The following PHTF2 variants were observed in gnomAD, a reference collection of about 807,000 sequenced individuals.
PHTF2 encodes the protein protein PHTF2.
Under a neutral mutation model 101.2 loss-of-function variants are expected in PHTF2, and 60 were observed. The observed-to-expected ratio is 0.59, with a 90% confidence interval of 0.48 to 0.73. The LOEUF (loss-of-function observed/expected upper bound fraction) is 0.73, where lower values mean the gene tolerates loss of function less well. Ranked by LOEUF, PHTF2 falls within the 30% of genes least tolerant of loss-of-function variation. The probability of loss-of-function intolerance (pLI) is 0.00; values close to 1 mark genes in which losing one functional copy is unlikely to be tolerated. For synonymous variants in PHTF2, 311 were observed against 307.3 expected, an observed-to-expected ratio of 1.01 and a Z score of -0.13; for missense variants, 747 against 908.7, an observed-to-expected ratio of 0.82 and a Z score of 2.29.
chr7:77,847,159 T>C (rs1442091521), intron 2 of PHTF2, among the ~76,000 whole-genome samples: 1 of 152,214 alleles, frequency 6.6e-6, no homozygotes, highest in African/African-American at 2.4e-5. Flanking sequence ...GTTTCTTGTT[T>C]CTGAAAGCAT....
chr7:77,878,072 C>T (rs1341064663), intron 3 of PHTF2, among the ~76,000 whole-genome samples: 1 of 152,004 alleles, frequency 6.6e-6, no homozygotes, highest in East Asian at 1.9e-4. Context: ...TGCCTACTGC[C>T]CGGAAAAACC....
At chr7:77,935,160 T>C (rs1804989315) in intron 12 of PHTF2, among the ~76,000 whole-genome samples, 1 of 139,232 alleles carries the variant, frequency 7.2e-6, no homozygotes, top group Non-Finnish European at 1.5e-5. Flanking sequence ...TATAGCAGTC[T>C]TTTTTATTTA....
At chr7:77,910,975 T>C (rs1336208489) in intron 9 of PHTF2, among the ~76,000 whole-genome samples, 1 of 152,230 alleles carries the variant, frequency 6.6e-6, no homozygotes. Flanking sequence ...TTGGTTAATT[T>C]ATTTTTATCA....
chr7:77,799,852 A>C (rs1275415700), intron 1 of PHTF2, among the ~76,000 whole-genome samples: 1 of 152,238 alleles, frequency 6.6e-6, no homozygotes, highest in Non-Finnish European at 1.5e-5. Context: ...AGTAATTTTG[A>C]AATTCATGGT....
At chr7:77,876,265 A>G (rs556605390) in intron 3 of PHTF2, among the ~76,000 whole-genome samples, 1 of 152,242 alleles carries the variant, frequency 6.6e-6, no homozygotes, top group Non-Finnish European at 1.5e-5. Flanking sequence ...CAAATGCTTA[A>G]TAAATGGTAG....
intron 9 of PHTF2, among the ~76,000 whole-genome samples, chr7:77,915,349 G>T (rs542682043): frequency 6.6e-6 from 1 of 152,134 alleles, no homozygotes; most frequent in South Asian, 2.1e-4. Flanking sequence ...CTCCCAAGTA[G>T]CTGGGACTAC....
At chr7:77,888,250 G>A (rs1016023175) in intron 3 of PHTF2, among the ~76,000 whole-genome samples, 10 of 152,256 alleles carry the variant, frequency 6.6e-5, no homozygotes, top group Admixed American at 1.3e-4. Flanking sequence ...AAGTAGCTGG[G>A]ATTACAGGCG....
At chr7:77,893,373 G>A (rs533919631) in intron 3 of PHTF2, among the ~76,000 whole-genome samples, 1 of 152,170 alleles carries the variant, frequency 6.6e-6, no homozygotes, top group East Asian at 1.9e-4. Flanking sequence ...TAACTCTGGA[G>A]TGGGGCCTGA....
chr7:77,816,473 A>G (rs1562837089), intron 1 of PHTF2, among the ~76,000 whole-genome samples: 1 of 152,202 alleles, frequency 6.6e-6, no homozygotes. Flanking sequence ...TTAAAAAACT[A>G]CTTTTATTAA....
chr7:77,825,698 T>C (rs1331867539), intron 1 of PHTF2, among the ~76,000 whole-genome samples: 2 of 152,138 alleles, frequency 1.3e-5, no homozygotes, highest in African/African-American at 4.8e-5. Flanking sequence ...TAAAGACGTG[T>C]ACACAAAAAT....
chr7:77,953,851 C>G, exon 19 of PHTF2: 1 of 1,613,080 alleles, frequency 6.2e-7, no homozygotes, highest in Non-Finnish European at 8.5e-7. Context: ...ATCCTGTCAG[C>G]TGTTTCTGGT....
intron 3 of PHTF2, chr7:77,854,858 C>T (rs1436678428): frequency 1.3e-6 from 1 of 752,440 alleles, no homozygotes; most frequent in Admixed American, 1.7e-5. Context: ...GGCCTGTTCT[C>T]TCTGTTCAGG....
At chr7:77,933,111 G>A (rs1208747405) in intron 12 of PHTF2, among the ~76,000 whole-genome samples, 3 of 152,188 alleles carry the variant, frequency 2.0e-5, no homozygotes, top group Non-Finnish European at 2.9e-5. Flanking sequence ...GGTGGCGGGT[G>A]CCTGTAATCC....
At chr7:77,925,442 T>TGTAG (rs1279385502) in intron 11 of PHTF2, among the ~76,000 whole-genome samples, 3 of 151,580 alleles carry the variant, frequency 2.0e-5, no homozygotes, top group African/African-American at 7.3e-5. Flanking sequence ...ACACAAATAT[T>TGTAG]GTAGGTAAAA....
At chr7:77,849,871 A>G (rs915127189) in intron 2 of PHTF2, among the ~76,000 whole-genome samples, 1 of 152,166 alleles carries the variant, frequency 6.6e-6, no homozygotes, top group Non-Finnish European at 1.5e-5. Context: ...CTGCAACTTG[A>G]CTGAATTTGT....
chr7:77,810,293 A>G (rs910662484), intron 1 of PHTF2, among the ~76,000 whole-genome samples: 2 of 152,200 alleles, frequency 1.3e-5, no homozygotes, highest in Admixed American at 6.5e-5. Context: ...TCATAAAGAC[A>G]GCACAATTAT....
intron 12 of PHTF2, among the ~76,000 whole-genome samples, chr7:77,932,617 AGAGAGTGTGTGTGTGTGT>A (rs1304981256): frequency 1.6e-5 from 2 of 124,876 alleles, no homozygotes; most frequent in African/African-American, 6.3e-5. Context: ...AGAGAGAGAG[AGAGAGTGTGTGTGTGTGT>A]GTGTGTGTGT....
chr7:77,819,474 G>T (rs1334508805), intron 1 of PHTF2, among the ~76,000 whole-genome samples: 1 of 152,110 alleles, frequency 6.6e-6, no homozygotes, highest in African/African-American at 2.4e-5. Flanking sequence ...TGCTTTTTCT[G>T]TATCTATCAA....
At chr7:77,905,185 A>C (rs1801741261) in intron 7 of PHTF2, among the ~76,000 whole-genome samples, 1 of 152,114 alleles carries the variant, frequency 6.6e-6, no homozygotes, top group Admixed American at 6.5e-5. Flanking sequence ...CTGAATCTTA[A>C]AGATTAACAG....
Sources: allele counts gnomAD v4.1 joint callset (sites outside exome capture counted in the v4.1 genomes callset), GRCh38; gene constraint gnomAD v4.1.1; transcripts MANE v1.5; gene names NCBI Gene and HGNC (gene_info 2026-07-23, HGNC 2026-07-21).